The following NRXN3 variants were observed in gnomAD, a reference collection of about 807,000 sequenced individuals.
The protein encoded by NRXN3 is neurexin 3.
A neutral mutation model predicts 137.6 loss-of-function variants in NRXN3; 32 were observed. That is an observed-to-expected ratio of 0.23 (90% confidence interval 0.18 to 0.31). The LOEUF (loss-of-function observed/expected upper bound fraction) is 0.31. Ranked by LOEUF, NRXN3 falls within the 10% of genes least tolerant of loss-of-function variation. The pLI, the probability that NRXN3 is intolerant of heterozygous loss-of-function variation, is 1.00. For synonymous variants in NRXN3, 798 were observed against 784.5 expected, an observed-to-expected ratio of 1.02 and a Z score of -0.29; for missense variants, 1,574 against 2,062.5, an observed-to-expected ratio of 0.76 and a Z score of 4.59.
chr14:78,529,897 G>A (rs961024128), intron 4 of NRXN3, among the ~76,000 whole-genome samples: 1 of 152,188 alleles, frequency 6.6e-6, no homozygotes, highest in Non-Finnish European at 1.5e-5. Flanking sequence ...GAACAATGCA[G>A]GCAGGAGCCT....
intron 4 of NRXN3, among the ~76,000 whole-genome samples, chr14:78,543,242 T>G (rs1182324566): frequency 6.6e-6 from 1 of 152,180 alleles, no homozygotes; most frequent in Non-Finnish European, 1.5e-5. Flanking sequence ...AATTGATGCA[T>G]TCATGATCTG....
chr14:78,605,753 C>T lies in NRXN3; in HGVS notation c.758-39367C>T, dbSNP rs574074985. Among the ~76,000 whole-genome samples the T allele has an allele frequency of 4.3e-4, 65 of 152,136 alleles. 1 individual carries two copies. In the South Asian group the frequency reaches 8.7e-3, roughly 20 times the overall value. On this transcript the variant is annotated intron_variant, in intron 4 of 20. Coordinates refer to ENST00000335750, the MANE Select transcript of NRXN3 (RefSeq NM_001330195.2). ...ACAAAAAGAAGAATCACATTTTATA[C>T]GTGTTAAATGGTGTAGTAGTAAACC...
Position 78,291,510 on chromosome 14 carries a change from A to G in NRXN3, c.728-6321A>G, listed in dbSNP as rs556425748. ...TCATTTTTGGGAGGGTTATCAAGCC[A>G]CTTTCCTCTTTAAAATGCAAATTGA... On this transcript the variant is annotated intron_variant, in intron 3 of 20. Transcript: ENST00000335750. Among the ~76,000 whole-genome samples, 149 of 152,318 alleles carry G rather than the reference A, an allele frequency of 9.8e-4. 1 individual carries two copies. Among genetic ancestry groups the G allele is most frequent in the African/African-American group, 3.5e-3 (147 of 41,574 alleles).
At chr14:79,280,208 T>C in intron 15 of NRXN3, 1 of 1,569,304 alleles carries the variant, frequency 6.4e-7, no homozygotes, top group Non-Finnish European at 8.6e-7. Context: ...CCTGCTATGA[T>C]GGGCCCTTGG....
At chr14:78,189,993 G>A (rs1289222288) in intron 1 of NRXN3, among the ~76,000 whole-genome samples, 1 of 152,184 alleles carries the variant, frequency 6.6e-6, no homozygotes, top group Admixed American at 6.5e-5. Context: ...TGTTACACAT[G>A]TGTTTATTTT....
At chr14:78,629,492 C>G (rs982599420) in intron 4 of NRXN3, among the ~76,000 whole-genome samples, 1 of 152,210 alleles carries the variant, frequency 6.6e-6, no homozygotes, top group Non-Finnish European at 1.5e-5. Context: ...CAAGACAGAT[C>G]TTTTCTGCCA....
chr14:78,337,077 C>CT (rs775457837), intron 4 of NRXN3, among the ~76,000 whole-genome samples: 8 of 152,130 alleles, frequency 5.3e-5, no homozygotes, highest in Non-Finnish European at 8.8e-5. Flanking sequence ...AGTGCCCAGA[C>CT]TTTTTTCTGA....
At chr14:79,364,411 A>AG (rs2093799487) in intron 15 of NRXN3, among the ~76,000 whole-genome samples, 2 of 152,222 alleles carry the variant, frequency 1.3e-5, no homozygotes, top group South Asian at 2.1e-4. Context: ...TTCACTTCGA[A>AG]GTATGGGATG....
At chr14:78,566,399 C>T (rs1268204614) in intron 4 of NRXN3, among the ~76,000 whole-genome samples, 6 of 151,504 alleles carry the variant, frequency 4.0e-5, no homozygotes, top group African/African-American at 1.5e-4. Flanking sequence ...TTTTTCTCTC[C>T]CCCTTTTCTT....
intron 8 of NRXN3, among the ~76,000 whole-genome samples, chr14:78,724,210 T>C (rs1047739248): frequency 1.3e-5 from 2 of 152,238 alleles, no homozygotes; most frequent in African/African-American, 2.4e-5. Context: ...CACCCGATAC[T>C]GAGTATTACG....
At chr14:79,660,088 T>G (rs1288808057) in intron 16 of NRXN3, among the ~76,000 whole-genome samples, 1 of 152,258 alleles carries the variant, frequency 6.6e-6, no homozygotes, top group South Asian at 2.1e-4. Flanking sequence ...TTGCCCAAGG[T>G]CAGTCAGGTC....
chr14:78,437,355 T>A (rs1298227195), intron 4 of NRXN3, among the ~76,000 whole-genome samples: 2 of 151,718 alleles, frequency 1.3e-5, no homozygotes, highest in African/African-American at 2.4e-5. Context: ...TTCTTTTTTT[T>A]TTTTTATTTT....
rs546998645 is a variant in NRXN3, at chr14:79,545,397, G to A, written c.3444+77995G>A. Among the ~76,000 whole-genome samples, 33 of 152,084 alleles carry A rather than the reference G, an allele frequency of 2.2e-4. 2 individuals carry two copies. The South Asian group carries it at 6.9e-3, about 32-fold the overall frequency. ...AAATGCAGATGTTGTTTTTAAAAAT[G>A]AACAATGTTAGGCTGCCTTCCTCGA... On this transcript the variant is annotated intron_variant, in intron 16 of 20. Coordinates refer to ENST00000335750, the MANE Select transcript of NRXN3 (RefSeq NM_001330195.2).
intron 17 of NRXN3, among the ~76,000 whole-genome samples, chr14:79,667,891 T>G (rs1419566652): frequency 3.9e-5 from 6 of 152,030 alleles, no homozygotes; most frequent in Admixed American, 3.9e-4. Flanking sequence ...TTGTTCCATA[T>G]CTTCTCTCTG....
At chr14:79,017,829 A>G (rs918763235) in intron 15 of NRXN3, among the ~76,000 whole-genome samples, 13 of 152,106 alleles carry the variant, frequency 8.5e-5, no homozygotes, top group Admixed American at 8.5e-4. Context: ...ATCTAGTGAA[A>G]TGATTTTGAC....
In NRXN3 at chr14:79,601,863, A is replaced by G. The variant is rs527709894; in HGVS notation, c.3445-61915A>G. Among the ~76,000 whole-genome samples the G allele has an allele frequency of 3.5e-3, 539 of 152,316 alleles. 1 individual carries two copies. Among genetic ancestry groups the G allele is most frequent in the African/African-American group, 0.013 (523 of 41,574 alleles). On this transcript the variant is annotated intron_variant, in intron 16 of 20. Coordinates refer to ENST00000335750, the MANE Select transcript of NRXN3 (RefSeq NM_001330195.2). ...GGCCTCTCTGTCTAAGAGACAGAAG[A>G]GAGTGCTAGAGACTATGGCACCCAG...
At chr14:79,384,862 G>C (rs1212120093) in intron 15 of NRXN3, among the ~76,000 whole-genome samples, 1 of 152,126 alleles carries the variant, frequency 6.6e-6, no homozygotes, top group Admixed American at 6.5e-5. Context: ...ATGCATGTAA[G>C]TAAAATAACC....
intron 4 of NRXN3, among the ~76,000 whole-genome samples, chr14:78,622,792 G>C (rs1366258820): frequency 6.6e-6 from 1 of 152,202 alleles, no homozygotes; most frequent in Non-Finnish European, 1.5e-5. Flanking sequence ...TGTATTTCTT[G>C]ACCTTTCCGT....
At chr14:78,665,706 A>G (rs1681423266) in intron 6 of NRXN3, among the ~76,000 whole-genome samples, 1 of 152,168 alleles carries the variant, frequency 6.6e-6, no homozygotes, top group African/African-American at 2.4e-5. Flanking sequence ...ATTCCAATCC[A>G]AGGAAGCTAC....
Sources: gnomAD v4.1 joint callset for allele counts (sites outside exome capture counted in the v4.1 genomes callset) on GRCh38, gnomAD v4.1.1 for gene constraint, MANE v1.5 for transcripts, NCBI Gene and HGNC (gene_info 2026-07-23, HGNC 2026-07-21) for gene names.